The following PLXDC2 variants were observed in gnomAD, a reference collection of about 807,000 sequenced individuals.
The protein encoded by PLXDC2 is plexin domain containing 2.
A neutral mutation model predicts 68.9 loss-of-function variants in PLXDC2; 40 were observed. The observed-to-expected ratio is 0.58, with a 90% CI of 0.45 to 0.76. The LOEUF (loss-of-function observed/expected upper bound fraction) is 0.76, where lower values mean the gene tolerates loss of function less well. Ranked by LOEUF, PLXDC2 falls within the 30% of genes least tolerant of loss-of-function variation. The probability of loss-of-function intolerance (pLI) is 0.00; values close to 1 mark genes in which losing one functional copy is unlikely to be tolerated. For missense variants in PLXDC2, 644 were observed against 661.9 expected (o/e 0.97, Z 0.30); for synonymous variants, 243 against 234.2 (o/e 1.04, Z -0.34).
chr10:20,177,068 C>T lies in PLXDC2; in HGVS notation c.953C>T (p.Ser318Leu), dbSNP rs752245891. The T allele has an allele frequency of 2.5e-6, 4 of 1,610,604 alleles. No individual in the cohort carries two copies. The highest frequency in any genetic ancestry group is 1.7e-5 in the Admixed American group (1 of 59,856). The change falls in exon 8 of 14, where the codon TCG (serine) becomes TTG (leucine). Residue 318 changes from serine to leucine, a missense_variant. Ser to Leu is a moderately radical substitution (Grantham distance 145). Around this residue, in one of 3 missense-constraint regions of PLXDC2, gnomAD observed 330 missense variants for 327.9 expected, o/e 1.01. Coordinates refer to ENST00000377252, the MANE Select transcript of PLXDC2 (RefSeq NM_032812.9). ...CAAATGTCAAAAATTACCAACATTT[C>T]GGCTGTGGAGATGACCCCATTACCC... ...ELQMSKITNI[S>L]AVEMTPLPTC...
At chr10:20,138,745 T>A (rs1423860985) in intron 4 of PLXDC2, among the ~76,000 whole-genome samples, 1 of 152,026 alleles carries the variant, frequency 6.6e-6, no homozygotes, top group Non-Finnish European at 1.5e-5. Flanking sequence ...AAACCATGTC[T>A]CTACTAAAAA....
At chr10:20,008,861 C>T (rs1259031331) in intron 2 of PLXDC2, among the ~76,000 whole-genome samples, 1 of 152,172 alleles carries the variant, frequency 6.6e-6, no homozygotes, top group African/African-American at 2.4e-5. Context: ...CCCTGCCTGT[C>T]GCCATGCAAG....
intron 9 of PLXDC2, among the ~76,000 whole-genome samples, chr10:20,189,034 A>G (rs1834723906): frequency 1.3e-5 from 1 of 75,996 alleles, no homozygotes; most frequent in African/African-American, 3.2e-5. Flanking sequence ...TTTAATGAAG[A>G]ATCTTCGCTT....
chr10:19,819,938 C>T (rs1836431719), intron 1 of PLXDC2, among the ~76,000 whole-genome samples: 2 of 152,188 alleles, frequency 1.3e-5, no homozygotes, highest in African/African-American at 2.4e-5. Flanking sequence ...GTAAAATGGA[C>T]ATCTGTCATA....
intron 7 of PLXDC2, among the ~76,000 whole-genome samples, chr10:20,165,675 A>G (rs1225308319): frequency 6.6e-6 from 1 of 152,200 alleles, no homozygotes; most frequent in Non-Finnish European, 1.5e-5. Context: ...AATTTAGGTA[A>G]ATAAAAATCC....
In PLXDC2 at chr10:20,001,868, T is replaced by C. The variant is rs1834946467; in HGVS notation, c.206T>C (p.Leu69Ser). The C allele has an allele frequency of 6.2e-7, 1 of 1,613,986 alleles. No homozygotes were observed. Among genetic ancestry groups the C allele is most frequent in the Non-Finnish European group, 8.5e-7 (1 of 1,179,986 alleles). The change falls in exon 2 of 14, where the codon TTG becomes TCG. Residue 69 changes from leucine to serine, a missense_variant. Leu to Ser is a moderately radical substitution (Grantham distance 145). Coordinates refer to ENST00000377252, the MANE Select transcript of PLXDC2 (RefSeq NM_032812.9). ...TACAGCCACAGGTGGAAAAGAAACTTGGACTTTCTCAAGGCGGTAGACACG... is the reference window on the plus strand; with the variant it reads ...TACAGCCACAGGTGGAAAAGAAACTCGGACTTTCTCAAGGCGGTAGACACG... ...HAYSHRWKRN[L>S]DFLKAVDTNR...
intron 9 of PLXDC2, among the ~76,000 whole-genome samples, chr10:20,187,295 C>T (rs192064756): frequency 3.3e-5 from 5 of 151,660 alleles, no homozygotes; most frequent in African/African-American, 9.7e-5. Context: ...GCTGAATGGA[C>T]CCAATTTCAG....
chr10:20,285,675 T>C lies in PLXDC2; in HGVS notation c.*5856T>C, dbSNP rs1262934092. The C allele has an allele frequency of 6.6e-6, 1 of 152,202 alleles. No individual in the cohort carries two copies. Among genetic ancestry groups the C allele is most frequent in the African/African-American group, 2.4e-5 (1 of 41,442 alleles). The allele number at this position is 152,202 out of a possible 1,614,324, so 9.4% of individuals were successfully genotyped here. A position where few individuals can be genotyped will look rare whatever the true frequency, so the allele number is the denominator to read the frequency against. ...ACTGACCAGATGCAACAGTTGAAGT[T>C]TGATTTCTCGACCCAATATTTCTAT... is the stretch of plus-strand genomic sequence containing the variant. On this transcript the variant is annotated 3_prime_UTR_variant, in exon 14 of 14. Coordinates refer to ENST00000377252, the MANE Select transcript of PLXDC2 (RefSeq NM_032812.9).
At chr10:19,882,398 A>T (rs1019077757) in intron 1 of PLXDC2, among the ~76,000 whole-genome samples, 1 of 152,236 alleles carries the variant, frequency 6.6e-6, no homozygotes, top group African/African-American at 2.4e-5. Flanking sequence ...GAAGAGGGTC[A>T]ACATCATCAG....
At chr10:19,968,933 T>C (rs181155204) in intron 1 of PLXDC2, among the ~76,000 whole-genome samples, 10 of 152,316 alleles carry the variant, frequency 6.6e-5, no homozygotes, top group African/African-American at 2.4e-4. Flanking sequence ...CTGGGGGACC[T>C]GGCATCTGTA....
chr10:20,109,613 T>C (rs1833532782), intron 4 of PLXDC2, among the ~76,000 whole-genome samples: 1 of 152,214 alleles, frequency 6.6e-6, no homozygotes, highest in Non-Finnish European at 1.5e-5. Context: ...AAGCATTAAT[T>C]TTCTATTTGA....
intron 12 of PLXDC2, among the ~76,000 whole-genome samples, chr10:20,220,611 TG>T (rs1764951035): frequency 6.6e-6 from 1 of 152,116 alleles, no homozygotes; most frequent in South Asian, 2.1e-4. Context: ...TGAGAGACTC[TG>T]GAAAAAAAAG....
At chr10:19,906,990 A>AT (rs1193383522) in intron 1 of PLXDC2, among the ~76,000 whole-genome samples, 15 of 151,558 alleles carry the variant, frequency 9.9e-5, no homozygotes, top group Non-Finnish European at 2.1e-4. Context: ...TTTCTTTTCT[A>AT]TTTTTTTTCC....
At chr10:19,883,478 C>G (rs533255538) in intron 1 of PLXDC2, among the ~76,000 whole-genome samples, 2 of 152,212 alleles carry the variant, frequency 1.3e-5, no homozygotes, top group African/African-American at 4.8e-5. Context: ...ATCATTCTCT[C>G]TCTATTTTAT....
intron 2 of PLXDC2, among the ~76,000 whole-genome samples, chr10:20,014,314 CT>C (rs759919629): frequency 9.9e-5 from 13 of 131,144 alleles, no homozygotes; most frequent in Non-Finnish European, 1.1e-4. Context: ...CCTCGCCCCA[CT>C]TTCCTTCCTT....
At chr10:20,035,083 AC>A (rs1400292254) in intron 2 of PLXDC2, among the ~76,000 whole-genome samples, 5 of 152,184 alleles carry the variant, frequency 3.3e-5, no homozygotes, top group Admixed American at 1.3e-4. Flanking sequence ...AGTAGACATA[AC>A]TCAAGTGTGA....
intron 1 of PLXDC2, among the ~76,000 whole-genome samples, chr10:19,914,500 A>G (rs987983338): frequency 6.6e-6 from 1 of 152,234 alleles, no homozygotes; most frequent in Non-Finnish European, 1.5e-5. Flanking sequence ...ATGACCATTC[A>G]CGAGAAATAA....
At chr10:20,182,668 A>G (rs1001539825) in intron 9 of PLXDC2, among the ~76,000 whole-genome samples, 1 of 151,280 alleles carries the variant, frequency 6.6e-6, no homozygotes, top group African/African-American at 2.4e-5. Context: ...GTGGTTGGCT[A>G]TTTTACATTT....
chr10:20,268,768 AT>A (rs1432256557), intron 13 of PLXDC2, among the ~76,000 whole-genome samples: 1 of 152,234 alleles, frequency 6.6e-6, no homozygotes, highest in Non-Finnish European at 1.5e-5. Context: ...ACTAACTCAC[AT>A]TCAACTTTCA....
Sources: gnomAD v4.1 joint callset for allele counts (sites outside exome capture counted in the v4.1 genomes callset) on GRCh38, gnomAD v4.1.1 for gene constraint, gnomAD v4.1.1 regional missense constraint, MANE v1.5 for transcripts, NCBI Gene and HGNC (gene_info 2026-07-23, HGNC 2026-07-21) for gene names.